The following SUMF1 variants were observed in gnomAD, a reference collection of about 807,000 sequenced individuals.
SUMF1 encodes sulfatase modifying factor 1, also known as formylglycine-generating enzyme.
SUMF1 carries 48 observed loss-of-function variants against 47.6 expected under a neutral mutation model. That is an observed-to-expected ratio of 1.01 (90% CI 0.80 to 1.28). The LOEUF is 1.28. Among genes scored for constraint, SUMF1 ranks in the 50% most tolerant of loss-of-function variants. SUMF1 has a pLI of 0.00. For missense variants in SUMF1, 571 were observed against 485.4 expected (o/e 1.18, Z -1.66); for synonymous variants, 230 against 192.1 (o/e 1.20, Z -1.63).
chr3:4,211,177 T>TAC (rs1559569833), intron 8 of SUMF1, among the ~76,000 whole-genome samples: 1 of 110,972 alleles, frequency 9.0e-6, no homozygotes, highest in African/African-American at 3.6e-5. Context: ...TACACACATA[T>TAC]ATATACATAT....
chr3:4,438,638 A>G (rs1233748431), intron 3 of SUMF1, among the ~76,000 whole-genome samples: 2 of 152,190 alleles, frequency 1.3e-5, no homozygotes, highest in Non-Finnish European at 2.9e-5. Flanking sequence ...TTAGTAACAT[A>G]GCTTTAATAT....
At chr3:4,253,379 C>G (rs890959533) in intron 8 of SUMF1, among the ~76,000 whole-genome samples, 4 of 152,186 alleles carry the variant, frequency 2.6e-5, no homozygotes, top group Admixed American at 2.6e-4. Context: ...GAGTGCCAGA[C>G]AGTGGGCGCA....
intron 9 of SUMF1, among the ~76,000 whole-genome samples, chr3:4,058,653 G>A (rs933908514): frequency 3.3e-5 from 5 of 152,082 alleles, no homozygotes; most frequent in African/African-American, 9.7e-5. Context: ...ATAATATGTT[G>A]ACATAGTATC....
chr3:4,071,472 A>T (rs1346662423), intron 8 of SUMF1, among the ~76,000 whole-genome samples: 1 of 152,218 alleles, frequency 6.6e-6, no homozygotes, highest in Non-Finnish European at 1.5e-5. Context: ...TGGTCTTTGC[A>T]ACCAGCAGAC....
chr3:4,250,376 C>T (rs952940885), intron 8 of SUMF1, among the ~76,000 whole-genome samples: 10 of 151,922 alleles, frequency 6.6e-5, no homozygotes, highest in Admixed American at 1.3e-4. Context: ...ATCTAGCAGA[C>T]GTTGGCTCAT....
intron 2 of SUMF1, among the ~76,000 whole-genome samples, chr3:4,450,513 T>C (rs1431247890): frequency 2.6e-5 from 4 of 152,160 alleles, no homozygotes; most frequent in Non-Finnish European, 4.4e-5. Context: ...ACCTAAGCCA[T>C]TTAGTTATTC....
intron 8 of SUMF1, among the ~76,000 whole-genome samples, chr3:4,106,447 C>T (rs1392551025): frequency 1.3e-5 from 2 of 152,144 alleles, no homozygotes; most frequent in African/African-American, 4.8e-5. Flanking sequence ...CTGACATTCA[C>T]TAATGCCTCA....
intron 8 of SUMF1, among the ~76,000 whole-genome samples, chr3:4,322,771 C>CTG (rs143888027): frequency 0.11 from 16,853 of 152,132 alleles, 1,030 homozygotes; most frequent in Non-Finnish European, 0.13. Context: ...TGCAACTACT[C>CTG]TAAAGCAGTT....
chr3:4,316,346 A>G (rs749660474), intron 8 of SUMF1: 36 of 1,459,968 alleles, frequency 2.5e-5, no homozygotes, highest in Non-Finnish European at 3.4e-5. Context: ...ACGAACGTAC[A>G]GTGCAGTGGT....
intron 8 of SUMF1, among the ~76,000 whole-genome samples, chr3:4,252,352 GCACACACACA>G (rs142977510): frequency 7.7e-6 from 1 of 129,594 alleles, no homozygotes; most frequent in Non-Finnish European, 1.8e-5. Context: ...ACACACATGC[GCACACACACA>G]CACACACACA....
chr3:4,410,024 C>G (rs1374080297), intron 7 of SUMF1, among the ~76,000 whole-genome samples: 1 of 152,150 alleles, frequency 6.6e-6, no homozygotes, highest in Non-Finnish European at 1.5e-5. Flanking sequence ...CATCAAGTAA[C>G]CAGTCTAGCT....
chr3:4,287,156 A>T (rs188179013), intron 8 of SUMF1, among the ~76,000 whole-genome samples: 281 of 152,246 alleles, frequency 1.8e-3, no homozygotes, highest in African/African-American at 6.5e-3. Context: ...TTCAGTTTTA[A>T]TTCCTAATAT....
intron 5 of SUMF1, 48 bp downstream of exon 5, chr3:4,417,962 G>A (rs564627892): frequency 6.8e-6 from 11 of 1,612,974 alleles, no homozygotes; most frequent in African/African-American, 1.3e-5. Flanking sequence ...TTGTTTGTTT[G>A]TTCAAATGAC....
chr3:4,222,856 T>A (rs539806012), intron 8 of SUMF1, among the ~76,000 whole-genome samples: 1 of 152,156 alleles, frequency 6.6e-6, no homozygotes, highest in East Asian at 1.9e-4. Context: ...AGGCTCAAGT[T>A]TACCAATGGA....
intron 3 of SUMF1, among the ~76,000 whole-genome samples, chr3:4,427,740 C>G (rs942533348): frequency 6.6e-6 from 1 of 152,104 alleles, no homozygotes; most frequent in Non-Finnish European, 1.5e-5. Flanking sequence ...ATTCCCAAGG[C>G]ACACAATCAG....
At chr3:4,444,295 G>A (rs1484430688) in intron 3 of SUMF1, among the ~76,000 whole-genome samples, 1 of 152,092 alleles carries the variant, frequency 6.6e-6, no homozygotes, top group Non-Finnish European at 1.5e-5. Context: ...TTGTTCCCAT[G>A]GCCACTTCCT....
intron 8 of SUMF1, among the ~76,000 whole-genome samples, chr3:4,296,742 C>T (rs1429263104): frequency 2.0e-5 from 3 of 151,858 alleles, no homozygotes; most frequent in African/African-American, 7.3e-5. Flanking sequence ...ATATCAAGAG[C>T]AAAGTAGCTA....
chr3:4,035,052 G>A (rs960204544), intron 9 of SUMF1, among the ~76,000 whole-genome samples: 2 of 152,034 alleles, frequency 1.3e-5, no homozygotes, highest in African/African-American at 4.8e-5. Flanking sequence ...AAAGACGTCA[G>A]AAAATCAGTC....
At chr3:4,319,026 G>T (rs1698760515) in intron 8 of SUMF1, among the ~76,000 whole-genome samples, 1 of 152,216 alleles carries the variant, frequency 6.6e-6, no homozygotes, top group African/African-American at 2.4e-5. Flanking sequence ...AACATCATTT[G>T]TCATCAGGGA....
Sources: allele counts gnomAD v4.1 joint callset (sites outside exome capture counted in the v4.1 genomes callset), GRCh38; gene constraint gnomAD v4.1.1; transcripts MANE v1.5; gene names NCBI Gene and HGNC (gene_info 2026-07-23, HGNC 2026-07-21).